Variants in EOGT observed in about 807,000 individuals in gnomAD.
The protein encoded by EOGT is EGF domain specific O-linked N-acetylglucosamine transferase.
EOGT carries 55 observed loss-of-function variants against 70.5 expected under a neutral mutation model. That is an observed-to-expected ratio of 0.78 (90% CI 0.63 to 0.98). The LOEUF is 0.98. Ranked by LOEUF, EOGT falls within the 50% of genes least tolerant of loss-of-function variation. EOGT has a pLI of 0.00. For missense variants in EOGT, 703 were observed against 641.9 expected (o/e 1.10, Z -1.03); for synonymous variants, 246 against 217.1 (o/e 1.13, Z -1.17).
intron 8 of EOGT, among the ~76,000 whole-genome samples, chr3:69,002,332 A>AT (rs2091318355): frequency 6.6e-6 from 1 of 152,210 alleles, no homozygotes; most frequent in Non-Finnish European, 1.5e-5. Context: ...TTTTAGAGTC[A>AT]TTTGTTATAC....
At chr3:68,987,303 A>G in intron 14 of EOGT, 142 bp downstream of exon 14, 1 of 678,300 alleles carries the variant, frequency 1.5e-6, no homozygotes, top group Non-Finnish European at 2.5e-6. Context: ...AAATCTAATA[A>G]ATAAACCGGG....
rs199685770 is a variant in EOGT at position 69,005,238 on chromosome 3, A to T, written c.421-4T>A. ...AACACACCAGACTTGAGTCACTCTG[A>T]AGGTTGAGCAAAAGAAAAGAATGAC... On this transcript the variant is annotated splice_polypyrimidine_tract_variant and splice_region_variant and intron_variant, in intron 6 of 17. Coordinates refer to ENST00000383701, the MANE Select transcript of EOGT (RefSeq NM_001278689.2). The T allele has an allele frequency of 7.8e-6, 12 of 1,535,786 alleles. No individual in the cohort carries two copies. The highest frequency in any genetic ancestry group is 6.9e-5 in the African/African-American group (5 of 72,796).
intron 9 of EOGT, among the ~76,000 whole-genome samples, chr3:69,000,267 G>T (rs1360920567): frequency 6.6e-6 from 1 of 151,964 alleles, no homozygotes; most frequent in African/African-American, 2.4e-5. Flanking sequence ...TAAATTAGAA[G>T]AAAAAAGTAG....
chr3:69,000,103 G>A (rs1371475686), intron 9 of EOGT, among the ~76,000 whole-genome samples: 1 of 152,094 alleles, frequency 6.6e-6, no homozygotes, highest in Non-Finnish European at 1.5e-5. Flanking sequence ...GCATATGCCT[G>A]TAGTCCCAGC....
rs375639557 is a variant in EOGT at position 68,976,888 on chromosome 3, G to C, written c.*730C>G. The C allele has an allele frequency of 2.6e-5, 4 of 152,730 alleles. No individual in the cohort carries two copies. Among genetic ancestry groups the C allele is most frequent in the South Asian group, 4.1e-4 (2 of 4,830 alleles). 9.5% of individuals were successfully genotyped at this position (152,730 alleles called of 1,614,324 possible). ...AAAAAGAGAAAGTTCAGGGCCATGC[G>C]TGGTGGCTCACACCTGTAATCCCAG... is the stretch of plus-strand genomic sequence containing the variant. On this transcript the variant is annotated 3_prime_UTR_variant, in exon 18 of 18. Coordinates refer to ENST00000383701, the MANE Select transcript of EOGT (RefSeq NM_001278689.2).
intron 10 of EOGT, among the ~76,000 whole-genome samples, chr3:68,995,295 C>T (rs951710686): frequency 6.6e-6 from 1 of 152,158 alleles, no homozygotes; most frequent in Non-Finnish European, 1.5e-5. Flanking sequence ...ATCCAACCTA[C>T]CCTGTGGACC....
chr3:69,004,268 A>G (rs745387078), intron 8 of EOGT, 110 bp downstream of exon 8: 2 of 801,044 alleles, frequency 2.5e-6, no homozygotes, highest in East Asian at 2.5e-5. Flanking sequence ...CTCATGCCAA[A>G]TTATGTACAA....
intron 15 of EOGT, among the ~76,000 whole-genome samples, chr3:68,980,838 C>T (rs2090618322): frequency 6.6e-6 from 1 of 152,212 alleles, no homozygotes; most frequent in Non-Finnish European, 1.5e-5. Flanking sequence ...TCACCAATCC[C>T]CATGCCAACA....
intron 15 of EOGT, 149 bp from the exon 16 acceptor site, chr3:68,979,936 T>C: frequency 1.6e-6 from 1 of 619,982 alleles, no homozygotes; most frequent in Non-Finnish European, 2.6e-6. Context: ...TTTGCCAATT[T>C]CAAGTGCGCT....
intron 1 of EOGT, among the ~76,000 whole-genome samples, 153 bp downstream of exon 1, chr3:69,013,421 A>G (rs2091628463): frequency 6.6e-6 from 1 of 151,588 alleles, no homozygotes. Context: ...GCCCGCAGGG[A>G]ATGGGAAGGC....
intron 16 of EOGT, 99 bp downstream of exon 16, chr3:68,979,569 G>C (rs1400556080): frequency 2.9e-5 from 37 of 1,289,892 alleles, no homozygotes; most frequent in Non-Finnish European, 2.9e-5. Context: ...CTTTTTGAAT[G>C]ATTAAATATT....
At chr3:69,002,379 C>T (rs1448219968) in intron 8 of EOGT, among the ~76,000 whole-genome samples, 1 of 152,156 alleles carries the variant, frequency 6.6e-6, no homozygotes, top group Non-Finnish European at 1.5e-5. Context: ...CCCTAGGGTA[C>T]ACTTTGGAAT....
At chr3:68,978,831 G>A (rs1307810015) in intron 16 of EOGT, among the ~76,000 whole-genome samples, 1 of 152,168 alleles carries the variant, frequency 6.6e-6, no homozygotes, top group Non-Finnish European at 1.5e-5. Flanking sequence ...TATAAGGCTT[G>A]AGTTTTCTCA....
At chr3:68,987,723 A>C (rs559915653) in intron 13 of EOGT, 2 of 571,776 alleles carry the variant, frequency 3.5e-6, no homozygotes, top group South Asian at 2.2e-5. Flanking sequence ...AGCTCATTAC[A>C]TTGTCTGTTT....
At chr3:69,007,121 G>T (rs2091455102) in intron 6 of EOGT, among the ~76,000 whole-genome samples, 1 of 152,088 alleles carries the variant, frequency 6.6e-6, no homozygotes, top group Non-Finnish European at 1.5e-5. Context: ...ACATGTTTGG[G>T]GGAATGATTC....
At chr3:68,980,673 G>C (rs1369537844) in intron 15 of EOGT, among the ~76,000 whole-genome samples, 1 of 152,202 alleles carries the variant, frequency 6.6e-6, no homozygotes, top group African/African-American at 2.4e-5. Context: ...CTCCGCATAG[G>C]AAAAAGATGA....
At chr3:68,988,269 C>A in intron 13 of EOGT, 26 bp downstream of exon 13, 1 of 1,476,908 alleles carries the variant, frequency 6.8e-7, no homozygotes, top group South Asian at 1.2e-5. Context: ...TCAAGCCCAC[C>A]TCAGAATCCG....
In EOGT at chr3:69,005,021, C is replaced by T. The variant is rs545665809; in HGVS notation, c.515+119G>A. 96 of 619,034 alleles carry T rather than the reference C, an allele frequency of 1.6e-4. 1 individual carries two copies. Among genetic ancestry groups the T allele is most frequent in the South Asian group, 1.1e-3 (55 of 48,676 alleles). The allele number at this position is 619,034 out of a possible 1,614,324, so 38.3% of individuals were successfully genotyped here. On this transcript the variant is annotated intron_variant, in intron 7 of 17. Transcript: ENST00000383701. ...CAGCTGCACTGAGCCATGATTACAC[C>T]GCTGCACTCCAGCCTGGGCAACAGA...
rs569209217 is a variant in EOGT at position 68,975,679 on chromosome 3, A to T, written c.*1939T>A. ...AAAACAGTTACAATACCTGCCACTT[A>T]AAAATCCATAACATGTTGTAATTCT... On this transcript the variant is annotated 3_prime_UTR_variant, in exon 18 of 18. Coordinates refer to ENST00000383701, the MANE Select transcript of EOGT (RefSeq NM_001278689.2). 11 of 152,428 alleles carry T rather than the reference A, an allele frequency of 7.2e-5. No homozygotes were observed. The East Asian group carries it at 1.9e-3, about 27-fold the overall frequency. The allele number at this position is 152,428 out of a possible 1,614,324, so 9.4% of individuals were successfully genotyped here.
Sources: allele counts gnomAD v4.1 joint callset (sites outside exome capture counted in the v4.1 genomes callset), GRCh38; gene constraint gnomAD v4.1.1; transcripts MANE v1.5; gene names NCBI Gene and HGNC (gene_info 2026-07-23, HGNC 2026-07-21).